Variants in ARHGEF7 observed in about 807,000 individuals in gnomAD.
ARHGEF7 encodes the protein PAK-interacting exchange factor beta.
In ARHGEF7, 33 loss-of-function variants were observed where a neutral mutation model predicts 109.8. That is an observed-to-expected ratio of 0.30 (90% confidence interval 0.23 to 0.40). The LOEUF (loss-of-function observed/expected upper bound fraction) is 0.40, where lower values mean the gene tolerates loss of function less well. Among genes scored for constraint, ARHGEF7 ranks in the 10% least tolerant of loss-of-function variants. The probability of loss-of-function intolerance (pLI) is 1.00; values close to 1 mark genes in which losing one functional copy is unlikely to be tolerated. For missense variants in ARHGEF7, 938 were observed against 1,098.5 expected (o/e 0.85, Z 2.07); for synonymous variants, 458 against 424.6 (o/e 1.08, Z -0.97).
intron 2 of ARHGEF7, among the ~76,000 whole-genome samples, chr13:111,178,240 A>G (rs940155295): frequency 1.3e-5 from 2 of 152,186 alleles, no homozygotes; most frequent in Admixed American, 6.5e-5. Flanking sequence ...GAGTTCCCTT[A>G]TGTCCTGGGA....
At chr13:111,117,905 A>G (rs1470313964) in intron 1 of ARHGEF7, among the ~76,000 whole-genome samples, 1 of 152,260 alleles carries the variant, frequency 6.6e-6, no homozygotes, top group East Asian at 1.9e-4. Context: ...CAGATAATCT[A>G]TGCCACAAAG....
chr13:111,302,960 G>A, intron 21 of ARHGEF7, 31 bp from the exon 22 acceptor site: 1 of 1,612,486 alleles, frequency 6.2e-7, no homozygotes, highest in Non-Finnish European at 8.5e-7. Context: ...GCCAAAGATA[G>A]TGAACACCCT....
At chr13:111,213,853 T>G (rs758015892) in intron 4 of ARHGEF7, among the ~76,000 whole-genome samples, 1 of 152,190 alleles carries the variant, frequency 6.6e-6, no homozygotes, top group African/African-American at 2.4e-5. Context: ...CGTGGTAGTA[T>G]AGAGTGTGTA....
Position 111,244,290 on chromosome 13 carries a change from A to G in ARHGEF7, c.946A>G (p.Thr316Ala), listed in dbSNP as rs61742189. 6.3e-7 allele frequency: 1 copy of G among 1,585,958 alleles called. No individual in the cohort carries two copies. The highest frequency in any genetic ancestry group is 2.3e-5 in the East Asian group (1 of 44,424). The change falls in exon 8 of 22, where the codon ACC (threonine) becomes GCC (alanine). Residue 316 changes from threonine (T) to alanine (A), a missense_variant. Coordinates refer to ENST00000646102, the MANE Select transcript of ARHGEF7 (RefSeq NM_001354046.2). ...GCTCGTACAGTCTTTAGAAGAATGC[A>G]CCAAGTAAGTAAGATGCTAAAAATT... is the stretch of plus-strand genomic sequence containing the variant. ...QMLVQSLEEC[T>A]KLPEAQQRVG...
intron 2 of ARHGEF7, among the ~76,000 whole-genome samples, chr13:111,165,457 A>G (rs75275603): frequency 0.035 from 5,399 of 152,232 alleles, 142 homozygotes; most frequent in Non-Finnish European, 0.05. Context: ...CGTGCAGTAA[A>G]GCAGTGAGGC....
chr13:111,151,946 A>C (rs1233457401), intron 1 of ARHGEF7, among the ~76,000 whole-genome samples: 4 of 152,136 alleles, frequency 2.6e-5, no homozygotes, highest in Non-Finnish European at 5.9e-5. Flanking sequence ...AGGTGATCCA[A>C]ATTTTTCACT....
Position 111,233,265 on chromosome 13 carries a change from C to T in ARHGEF7, c.731C>T (p.Thr244Ile). 6.2e-7 allele frequency: 1 copy of T among 1,614,058 alleles called. No homozygotes were observed. The highest frequency in any genetic ancestry group is 8.5e-7 in the Non-Finnish European group (1 of 1,179,916). Residue 244 changes from threonine (T) to isoleucine (I), a missense_variant, in exon 6 of 22, where the codon ACT becomes ATT. By Grantham distance (89) the Thr-to-Ile change is moderately conservative. Coordinates refer to ENST00000646102, the MANE Select transcript of ARHGEF7 (RefSeq NM_001354046.2). The part of the protein sequence containing the change: ...LKSPPKGFDT[T>I]AINKSYYNVV... ...AGCCCTCCCAAAGGATTTGATACGA[C>T]TGCCATAAACAAAAGCTATTACAAT...
chr13:111,268,606 C>T (rs2091876754), intron 9 of ARHGEF7, among the ~76,000 whole-genome samples: 1 of 152,166 alleles, frequency 6.6e-6, no homozygotes, highest in Non-Finnish European at 1.5e-5. Context: ...AGGTGTGGCG[C>T]TGCGTGGGTG....
chr13:111,184,814 C>T (rs188913691), intron 2 of ARHGEF7: 132 of 152,754 alleles, frequency 8.6e-4, no homozygotes, highest in Non-Finnish European at 1.5e-3. Flanking sequence ...TTACCGGCCC[C>T]GTGGGCTTCA....
At chr13:111,299,925 C>T (rs950963340) in intron 19 of ARHGEF7, among the ~76,000 whole-genome samples, 1 of 152,166 alleles carries the variant, frequency 6.6e-6, no homozygotes. Context: ...TTCTGATTTG[C>T]ATCTGGCATA....
intron 1 of ARHGEF7, among the ~76,000 whole-genome samples, chr13:111,141,336 T>C (rs1362234167): frequency 6.6e-6 from 1 of 150,990 alleles, no homozygotes; most frequent in Non-Finnish European, 1.5e-5. Context: ...CTGGCAACTG[T>C]TGATCTTTTT....
At chr13:111,187,526 T>G (rs2079393749) in intron 2 of ARHGEF7, among the ~76,000 whole-genome samples, 1 of 152,264 alleles carries the variant, frequency 6.6e-6, no homozygotes, top group Admixed American at 6.5e-5. Context: ...CAATTTGAGT[T>G]GGGTTTACTT....
At chr13:111,201,143 G>A (rs1451663543) in intron 2 of ARHGEF7, among the ~76,000 whole-genome samples, 1 of 152,020 alleles carries the variant, frequency 6.6e-6, no homozygotes, top group African/African-American at 2.4e-5. Context: ...AATCCCCATC[G>A]TCCCCCTTGT....
chr13:111,147,496 G>A (rs2075658921), intron 1 of ARHGEF7, among the ~76,000 whole-genome samples: 3 of 152,130 alleles, frequency 2.0e-5, no homozygotes. Flanking sequence ...CTTCTTCAGC[G>A]AAATATTAAA....
chr13:111,288,878 A>G (rs2093141803), intron 18 of ARHGEF7, among the ~76,000 whole-genome samples: 1 of 152,172 alleles, frequency 6.6e-6, no homozygotes, highest in Admixed American at 6.5e-5. Flanking sequence ...ACAAACCTTG[A>G]GCAAGGTTTC....
At chr13:111,286,573 A>C (rs112778336) in intron 17 of ARHGEF7, among the ~76,000 whole-genome samples, 3 of 152,122 alleles carry the variant, frequency 2.0e-5, no homozygotes, top group African/African-American at 7.2e-5. Context: ...ACACTTCCTG[A>C]AGTGCCAGCA....
chr13:111,205,215 G>C (rs2081666583), intron 2 of ARHGEF7, 74 bp from the exon 3 acceptor site: 7 of 1,200,576 alleles, frequency 5.8e-6, no homozygotes, highest in Non-Finnish European at 8.3e-6. Flanking sequence ...TCGTCGCGTT[G>C]CTGGGAGAAC....
intron 21 of ARHGEF7, among the ~76,000 whole-genome samples, chr13:111,302,602 C>T (rs2093595161): frequency 6.6e-6 from 1 of 152,218 alleles, no homozygotes; most frequent in African/African-American, 2.4e-5. Flanking sequence ...CGCCCACTTG[C>T]TCCTGCACCT....
intron 1 of ARHGEF7, among the ~76,000 whole-genome samples, chr13:111,120,758 C>T (rs1001548834): frequency 7.2e-5 from 11 of 152,180 alleles, no homozygotes; most frequent in Non-Finnish European, 1.0e-4. Context: ...AAGATGTCTG[C>T]CCAGCATGGC....
Sources: gnomAD v4.1 joint callset for allele counts (sites outside exome capture counted in the v4.1 genomes callset) on GRCh38, gnomAD v4.1.1 for gene constraint, MANE v1.5 for transcripts, NCBI Gene and HGNC (gene_info 2026-07-23, HGNC 2026-07-21) for gene names.